The following PTPRO variants were observed in gnomAD, a reference collection of about 807,000 sequenced individuals.
PTPRO encodes the protein receptor-type tyrosine-protein phosphatase O.
In PTPRO, 62 loss-of-function variants were observed where a neutral mutation model predicts 145.2. The ratio of observed to expected loss-of-function variants is 0.43; its 90% CI spans 0.35 to 0.53. The LOEUF is 0.53. PTPRO is among the 20% of genes least tolerant of loss of function. PTPRO has a pLI of 0.01. For missense variants in PTPRO, 1,345 were observed against 1,482.7 expected (o/e 0.91, Z 1.53); for synonymous variants, 565 against 514.7 (o/e 1.10, Z -1.32).
chr12:15,553,903 A>G (rs893940966), intron 15 of PTPRO, among the ~76,000 whole-genome samples: 30 of 152,282 alleles, frequency 2.0e-4, no homozygotes, highest in African/African-American at 6.7e-4. Context: ...TAATAAGTTG[A>G]TATGGAATGG....
chr12:15,359,485 C>T (rs551526328), intron 1 of PTPRO, among the ~76,000 whole-genome samples: 81 of 134,022 alleles, frequency 6.0e-4, no homozygotes, highest in African/African-American at 2.2e-3. Context: ...AGTGCAGTGG[C>T]GTGATCTCCT....
At chr12:15,390,485 T>C (rs1336299595) in intron 1 of PTPRO, among the ~76,000 whole-genome samples, 4 of 152,068 alleles carry the variant, frequency 2.6e-5, no homozygotes, top group Admixed American at 2.0e-4. Context: ...GCTTATTCAC[T>C]ATCACGAGAA....
At chr12:15,343,049 T>TCA (rs1867059015) in intron 1 of PTPRO, among the ~76,000 whole-genome samples, 1 of 152,166 alleles carries the variant, frequency 6.6e-6, no homozygotes, top group African/African-American at 2.4e-5. Context: ...TATCTTCCTC[T>TCA]CATTTGCCTT....
intron 15 of PTPRO, among the ~76,000 whole-genome samples, chr12:15,553,164 G>A (rs907743897): frequency 2.6e-5 from 4 of 151,848 alleles, no homozygotes; most frequent in East Asian, 1.9e-4. Flanking sequence ...AACTTCATGC[G>A]TTCATATTAC....
At chr12:15,388,664 T>C (rs919585336) in intron 1 of PTPRO, among the ~76,000 whole-genome samples, 3 of 152,228 alleles carry the variant, frequency 2.0e-5, no homozygotes, top group African/African-American at 7.2e-5. Context: ...GCATGTCCAA[T>C]TTTAATGTAA....
chr12:15,581,873 C>T (rs1944327234), intron 23 of PTPRO, 72 bp downstream of exon 23: 2 of 1,599,088 alleles, frequency 1.3e-6, no homozygotes, highest in South Asian at 1.1e-5. Context: ...GTCGGGGAGA[C>T]CCTAACCCAG....
In PTPRO at chr12:15,373,112, C is replaced by T. The variant is rs759182532; in HGVS notation, c.75+50311C>T. ...GGAAAAATTAAAGTAGAAGTAATTA[C>T]AGTACCGATGAGATGCTGTTACCAT... is the stretch of plus-strand genomic sequence containing the variant. On this transcript the variant is annotated intron_variant, in intron 1 of 26. Coordinates refer to ENST00000281171, the MANE Select transcript of PTPRO (RefSeq NM_030667.3). 3.3e-5 allele frequency among the ~76,000 whole-genome samples: 5 copies of T among 152,254 alleles called. No homozygotes were observed. In the South Asian group the frequency reaches 1.0e-3, roughly 32 times the overall value.
chr12:15,487,409 CT>C (rs1941911590), intron 2 of PTPRO, among the ~76,000 whole-genome samples: 2 of 152,126 alleles, frequency 1.3e-5, no homozygotes, highest in Admixed American at 1.3e-4. Flanking sequence ...TCTATTCATC[CT>C]TCAAAAGAAG....
chr12:15,578,553 G>A (rs1741886024), intron 19 of PTPRO, among the ~76,000 whole-genome samples: 1 of 152,218 alleles, frequency 6.6e-6, no homozygotes, highest in Non-Finnish European at 1.5e-5. Context: ...TCTGCCCTAT[G>A]TGCCTCCTCA....
At chr12:15,542,510 C>T (rs571781534) in intron 12 of PTPRO, among the ~76,000 whole-genome samples, 1 of 152,186 alleles carries the variant, frequency 6.6e-6, no homozygotes, top group Non-Finnish European at 1.5e-5. Flanking sequence ...GAAGTGGGAA[C>T]CCCCTAGCCA....
At chr12:15,379,931 A>G (rs572313015) in intron 1 of PTPRO, among the ~76,000 whole-genome samples, 15 of 152,220 alleles carry the variant, frequency 9.9e-5, no homozygotes, top group Non-Finnish European at 1.6e-4. Flanking sequence ...CTTAAAATGA[A>G]TAAATTTCAT....
intron 1 of PTPRO, among the ~76,000 whole-genome samples, chr12:15,343,139 A>G (rs1202213165): frequency 6.6e-6 from 1 of 152,168 alleles, no homozygotes; most frequent in Non-Finnish European, 1.5e-5. Flanking sequence ...AAGATGAAAA[A>G]CATAAATATA....
chr12:15,476,752 G>T (rs1291383076), intron 1 of PTPRO, among the ~76,000 whole-genome samples: 2 of 151,798 alleles, frequency 1.3e-5, no homozygotes, highest in Non-Finnish European at 2.9e-5. Flanking sequence ...ATGAAAAAAT[G>T]CTCATCATCA....
At chr12:15,428,249 C>CAAATAATTT (rs1565623676) in intron 1 of PTPRO, among the ~76,000 whole-genome samples, 22 of 152,168 alleles carry the variant, frequency 1.4e-4, no homozygotes, top group African/African-American at 5.3e-4. Flanking sequence ...AGAGCCATTA[C>CAAATAATTT]GACAAATAAT....
chr12:15,406,028 T>C (rs944095014), intron 1 of PTPRO, among the ~76,000 whole-genome samples: 1 of 152,208 alleles, frequency 6.6e-6, no homozygotes, highest in African/African-American at 2.4e-5. Context: ...AATTTTTTAT[T>C]CTTTAACTAA....
chr12:15,557,539 G>C lies in PTPRO; in HGVS notation c.2627+16G>C, dbSNP rs753616808. Reference sequence around the variant, plus strand: ...CATACAACTGGTGAGTATTGTTTTGGAACAAGCTTCTACATAGTTTAACTA... The same window carrying C: ...CATACAACTGGTGAGTATTGTTTTGCAACAAGCTTCTACATAGTTTAACTA... On this transcript the variant is annotated intron_variant, in intron 16 of 26. Coordinates refer to ENST00000281171, the MANE Select transcript of PTPRO (RefSeq NM_030667.3). The C allele has an allele frequency of 6.2e-7, 1 of 1,608,286 alleles. No homozygotes were observed. Among genetic ancestry groups the C allele is most frequent in the Non-Finnish European group, 8.5e-7 (1 of 1,174,846 alleles).
chr12:15,461,270 A>G (rs1315433133), intron 1 of PTPRO, among the ~76,000 whole-genome samples: 3 of 152,174 alleles, frequency 2.0e-5, no homozygotes, highest in African/African-American at 7.2e-5. Flanking sequence ...TCTACCTGTA[A>G]GCTGGAAGCA....
At chr12:15,422,123 C>T (rs1259267440) in intron 1 of PTPRO, among the ~76,000 whole-genome samples, 3 of 151,846 alleles carry the variant, frequency 2.0e-5, no homozygotes, top group Non-Finnish European at 4.4e-5. Context: ...ATAACTTGCC[C>T]CAGGGAGTAG....
intron 1 of PTPRO, among the ~76,000 whole-genome samples, chr12:15,461,465 A>T (rs1359553841): frequency 1.3e-5 from 2 of 151,834 alleles, no homozygotes; most frequent in Non-Finnish European, 2.9e-5. Flanking sequence ...CTCAGAATAA[A>T]TCTCTTTGAA....
Sources: gnomAD v4.1 joint callset for allele counts (sites outside exome capture counted in the v4.1 genomes callset) on GRCh38, gnomAD v4.1.1 for gene constraint, MANE v1.5 for transcripts, NCBI Gene and HGNC (gene_info 2026-07-23, HGNC 2026-07-21) for gene names.